SMAD3: variants seen among roughly 807,000 people sequenced by gnomAD.
SMAD3 encodes the protein SMAD family member 3, also known as MAD homolog 3.
In SMAD3, 12 loss-of-function variants were observed where a neutral mutation model predicts 51.8. The observed-to-expected ratio is 0.23, with a 90% CI of 0.15 to 0.38. The LOEUF (loss-of-function observed/expected upper bound fraction) is 0.38, where lower values mean the gene tolerates loss of function less well. SMAD3 is among the 10% of genes least tolerant of loss of function. The pLI is 1.00. For synonymous variants in SMAD3, 238 were observed against 227.7 expected, an observed-to-expected ratio of 1.05 and a Z score of -0.41; for missense variants, 294 against 565.6, an observed-to-expected ratio of 0.52 and a Z score of 4.87.
chr15:67,150,920 A>G (rs1364043672), intron 1 of SMAD3, among the ~76,000 whole-genome samples: 2 of 133,200 alleles, frequency 1.5e-5, no homozygotes, highest in Non-Finnish European at 3.1e-5. Context: ...CAGTGGCACA[A>G]TCTCGGCTCA....
intron 7 of SMAD3, chr15:67,186,835 C>G (rs1159801580): frequency 3.2e-5 from 11 of 346,660 alleles, no homozygotes; most frequent in South Asian, 4.4e-5. Flanking sequence ...GTGCACTGGG[C>G]CCTCTGCCAA....
At chr15:67,101,037 G>A (rs559741226) in intron 1 of SMAD3, among the ~76,000 whole-genome samples, 1 of 152,336 alleles carries the variant, frequency 6.6e-6, no homozygotes, top group African/African-American at 2.4e-5. Flanking sequence ...GTCTCACCCT[G>A]AGGTGAGGCT....
chr15:67,117,070 G>T (rs540231767), intron 1 of SMAD3, among the ~76,000 whole-genome samples: 1 of 152,146 alleles, frequency 6.6e-6, no homozygotes, highest in South Asian at 2.1e-4. Context: ...CACTGAAAAG[G>T]GCATTTTTCT....
chr15:67,185,601 AACTGCTGAGGGT>A (rs1435289581), intron 7 of SMAD3, among the ~76,000 whole-genome samples: 31 of 152,098 alleles, frequency 2.0e-4, no homozygotes, highest in African/African-American at 7.2e-4. Flanking sequence ...GACTCTAGGG[AACTGCTGAGGGT>A]TTTCTGAGTG....
chr15:67,183,029 A>ATTTTTTTT (rs1567000858), intron 6 of SMAD3, among the ~76,000 whole-genome samples: 4 of 48,108 alleles, frequency 8.3e-5, no homozygotes, highest in African/African-American at 4.0e-4. Flanking sequence ...ATATATATAT[A>ATTTTTTTT]TATTTTTTTT....
chr15:67,170,776 G>A, intron 5 of SMAD3, 172 bp downstream of exon 5: 1 of 605,734 alleles, frequency 1.7e-6, no homozygotes, highest in Non-Finnish European at 2.9e-6. Context: ...CACGGAATGG[G>A]GAAACTTGAG....
At chr15:67,101,218 T>C (rs1291415012) in intron 1 of SMAD3, among the ~76,000 whole-genome samples, 1 of 152,216 alleles carries the variant, frequency 6.6e-6, no homozygotes, top group African/African-American at 2.4e-5. Flanking sequence ...AGACTTGCCA[T>C]GTGACACTGC....
At chr15:67,076,264 C>T (rs1960166985) in intron 1 of SMAD3, among the ~76,000 whole-genome samples, 1 of 152,156 alleles carries the variant, frequency 6.6e-6, no homozygotes, top group Admixed American at 6.5e-5. Context: ...CCTTCTCTAT[C>T]ATTATTCTTA....
intron 1 of SMAD3, chr15:67,138,424 G>C: frequency 3.0e-6 from 1 of 338,928 alleles, no homozygotes; most frequent in South Asian, 3.5e-5. Flanking sequence ...AGTGTGGGGA[G>C]AGCGTGCTGG....
intron 1 of SMAD3, among the ~76,000 whole-genome samples, chr15:67,134,190 A>AC (rs945394702): frequency 6.6e-6 from 1 of 151,704 alleles, no homozygotes; most frequent in African/African-American, 2.4e-5. Flanking sequence ...CCAAGGCTCA[A>AC]CCCCTGCAAC....
At chr15:67,163,130 T>C (rs566681077) in intron 1 of SMAD3, among the ~76,000 whole-genome samples, 95 of 152,200 alleles carry the variant, frequency 6.2e-4, no homozygotes, top group African/African-American at 2.3e-3. Flanking sequence ...CCCGCCACCA[T>C]GCCTGGCTGA....
At chr15:67,140,863 G>T (rs1308241161) in intron 1 of SMAD3, among the ~76,000 whole-genome samples, 1 of 152,110 alleles carries the variant, frequency 6.6e-6, no homozygotes, top group Admixed American at 6.5e-5. Context: ...GCAGAACTTG[G>T]GGTTCATTCA....
chr15:67,081,209 G>A (rs565611529), intron 1 of SMAD3, among the ~76,000 whole-genome samples: 3 of 152,298 alleles, frequency 2.0e-5, no homozygotes, highest in Admixed American at 6.5e-5. Flanking sequence ...AGGCATGTGT[G>A]GGGGTGGCAT....
At chr15:67,095,549 TC>T (rs1283211258) in intron 1 of SMAD3, among the ~76,000 whole-genome samples, 1 of 93,366 alleles carries the variant, frequency 1.1e-5, no homozygotes. Flanking sequence ...CAGCTTGAAA[TC>T]CTTTTTTTTT....
intron 1 of SMAD3, among the ~76,000 whole-genome samples, chr15:67,133,102 A>G (rs1169254900): frequency 6.6e-6 from 1 of 152,214 alleles, no homozygotes; most frequent in Non-Finnish European, 1.5e-5. Context: ...CCCAGGGCAG[A>G]TGCAGTAGCC....
At chr15:67,142,795 G>T (rs1292233109) in intron 1 of SMAD3, 1 of 446,830 alleles carries the variant, frequency 2.2e-6, no homozygotes, top group Non-Finnish European at 4.5e-6. Context: ...TGTGAAATAG[G>T]CTTGTGATGT....
intron 1 of SMAD3, among the ~76,000 whole-genome samples, chr15:67,094,428 C>T (rs1960572353): frequency 6.6e-6 from 1 of 152,204 alleles, no homozygotes; most frequent in African/African-American, 2.4e-5. Flanking sequence ...CTAAAGCAGA[C>T]TTGGCACGAG....
At chr15:67,105,459 G>T (rs1444521137) in intron 1 of SMAD3, among the ~76,000 whole-genome samples, 1 of 152,204 alleles carries the variant, frequency 6.6e-6, no homozygotes, top group Non-Finnish European at 1.5e-5. Context: ...AGCCCCTACG[G>T]GAAGCAAAGA....
intron 1 of SMAD3, among the ~76,000 whole-genome samples, chr15:67,085,869 C>T (rs1253133601): frequency 9.8e-5 from 2 of 20,360 alleles, no homozygotes; most frequent in South Asian, 2.9e-3. Context: ...AAAAAGCGTG[C>T]ACACACACAC....
Sources: gnomAD v4.1 joint callset for allele counts (sites outside exome capture counted in the v4.1 genomes callset) on GRCh38, gnomAD v4.1.1 for gene constraint, MANE v1.5 for transcripts, NCBI Gene and HGNC (gene_info 2026-07-23, HGNC 2026-07-21) for gene names.